Variants in KIAA1328 observed in about 807,000 individuals in gnomAD.
KIAA1328 encodes KIAA1328.
Under a neutral mutation model 68.1 loss-of-function variants are expected in KIAA1328, and 52 were observed. The observed-to-expected ratio is 0.76, with a 90% confidence interval of 0.61 to 0.96. The LOEUF is 0.96. Ranked by LOEUF, KIAA1328 falls within the 40% of genes least tolerant of loss-of-function variation. The pLI, the probability that KIAA1328 is intolerant of heterozygous loss-of-function variation, is 0.00. For synonymous variants in KIAA1328, 232 were observed against 239.4 expected (o/e 0.97, Z 0.28); for missense variants, 641 against 677.6 (o/e 0.95, Z 0.60).
chr18:37,165,635 A>G (rs1047257831), intron 8 of KIAA1328, among the ~76,000 whole-genome samples: 7 of 138,374 alleles, frequency 5.1e-5, no homozygotes, highest in African/African-American at 1.9e-4. Flanking sequence ...CTTGTTTCCC[A>G]GGGTGGAGTG....
chr18:37,030,008 A>G (rs2054758176), intron 6 of KIAA1328, among the ~76,000 whole-genome samples: 1 of 152,138 alleles, frequency 6.6e-6, no homozygotes, highest in African/African-American at 2.4e-5. Flanking sequence ...AGCATGCATA[A>G]CATTCCTTTA....
chr18:37,075,656 G>A (rs1263793997), intron 7 of KIAA1328: 4 of 151,860 alleles, frequency 2.6e-5, no homozygotes, highest in South Asian at 2.1e-4. Flanking sequence ...AGCAAATGGA[G>A]AACAAAAAAA....
intron 7 of KIAA1328, among the ~76,000 whole-genome samples, chr18:37,114,318 C>T (rs1036671050): frequency 6.6e-5 from 10 of 152,134 alleles, no homozygotes; most frequent in Non-Finnish European, 1.0e-4. Flanking sequence ...TCTCTCAGAC[C>T]ACAGTGCAAT....
chr18:36,875,567 C>T (rs574708725), intron 4 of KIAA1328, among the ~76,000 whole-genome samples: 1 of 152,264 alleles, frequency 6.6e-6, no homozygotes, highest in South Asian at 2.1e-4. Flanking sequence ...AGTTTTTGGG[C>T]TGAGACAATG....
intron 7 of KIAA1328, among the ~76,000 whole-genome samples, chr18:37,072,226 A>G (rs938990280): frequency 2.0e-5 from 3 of 150,560 alleles, no homozygotes; most frequent in African/African-American, 4.9e-5. Context: ...TCATATGAAA[A>G]TGTTCTTATT....
chr18:37,171,243 G>A (rs1025932643), intron 8 of KIAA1328, among the ~76,000 whole-genome samples: 6 of 152,012 alleles, frequency 3.9e-5, no homozygotes, highest in Admixed American at 6.5e-5. Context: ...ACAGATTCTT[G>A]CTCTGTTGCC....
intron 6 of KIAA1328, among the ~76,000 whole-genome samples, chr18:36,971,775 A>G (rs1249755430): frequency 6.6e-6 from 1 of 152,212 alleles, no homozygotes; most frequent in Non-Finnish European, 1.5e-5. Flanking sequence ...ACAGAAAACC[A>G]AGTTCTCACT....
intron 6 of KIAA1328, among the ~76,000 whole-genome samples, chr18:37,012,215 G>A (rs1057316995): frequency 6.6e-6 from 1 of 152,194 alleles, no homozygotes; most frequent in African/African-American, 2.4e-5. Context: ...GTTGGAATCA[G>A]AAGCAATCTA....
intron 5 of KIAA1328, among the ~76,000 whole-genome samples, chr18:36,935,593 A>G (rs779153999): frequency 6.6e-6 from 1 of 151,896 alleles, no homozygotes; most frequent in Non-Finnish European, 1.5e-5. Flanking sequence ...TTTTGATGTT[A>G]TTGTTGTTTT....
chr18:36,937,394 A>G (rs1048839664), intron 5 of KIAA1328, among the ~76,000 whole-genome samples: 1 of 152,202 alleles, frequency 6.6e-6, no homozygotes, highest in Non-Finnish European at 1.5e-5. Flanking sequence ...TCTGCACAGC[A>G]AAGGAACTAC....
intron 6 of KIAA1328, among the ~76,000 whole-genome samples, chr18:37,051,763 G>T (rs1238582784): frequency 6.6e-6 from 1 of 151,636 alleles, no homozygotes; most frequent in African/African-American, 2.4e-5. Flanking sequence ...TACAGGCCAG[G>T]CTGGGTGCAG....
At chr18:36,991,638 A>C (rs2053181298) in intron 6 of KIAA1328, among the ~76,000 whole-genome samples, 1 of 152,172 alleles carries the variant, frequency 6.6e-6, no homozygotes, top group Non-Finnish European at 1.5e-5. Flanking sequence ...CCATTCTTGA[A>C]TTTGAGCTAG....
chr18:37,068,468 C>T (rs2056420305), intron 7 of KIAA1328, among the ~76,000 whole-genome samples: 1 of 152,212 alleles, frequency 6.6e-6, no homozygotes, highest in Non-Finnish European at 1.5e-5. Context: ...CTTTACTCCA[C>T]ATCCTTGTTG....
At chr18:37,008,398 C>T (rs1455232976) in intron 6 of KIAA1328, among the ~76,000 whole-genome samples, 1 of 152,182 alleles carries the variant, frequency 6.6e-6, no homozygotes, top group East Asian at 1.9e-4. Flanking sequence ...ACTTGATTTT[C>T]TGCTAAAACA....
intron 8 of KIAA1328, among the ~76,000 whole-genome samples, chr18:37,169,326 C>G (rs1029021657): frequency 6.6e-6 from 1 of 151,886 alleles, no homozygotes; most frequent in Admixed American, 6.6e-5. Flanking sequence ...CCACCAGGCC[C>G]AGCTAATTTT....
At chr18:37,116,756 T>G (rs2151919897) in intron 7 of KIAA1328, among the ~76,000 whole-genome samples, 1 of 152,296 alleles carries the variant, frequency 6.6e-6, no homozygotes, top group South Asian at 2.1e-4. Flanking sequence ...TTTTGCAATC[T>G]AACCATCTGA....
chr18:37,060,773 A>G (rs975491733), intron 6 of KIAA1328, among the ~76,000 whole-genome samples: 1 of 152,218 alleles, frequency 6.6e-6, no homozygotes, highest in Admixed American at 6.5e-5. Context: ...ATACAATTTT[A>G]TATCCATCAA....
At chr18:37,088,183 A>G (rs942090412) in intron 7 of KIAA1328, among the ~76,000 whole-genome samples, 2 of 152,152 alleles carry the variant, frequency 1.3e-5, no homozygotes, top group African/African-American at 2.4e-5. Flanking sequence ...GTTTCAACTG[A>G]GACACCTGCT....
chr18:36,999,602 A>C (rs2053515313), intron 6 of KIAA1328, among the ~76,000 whole-genome samples: 1 of 152,208 alleles, frequency 6.6e-6, no homozygotes, highest in African/African-American at 2.4e-5. Context: ...GCTCAAAGAG[A>C]ATGGGATGAT....
Sources: allele counts gnomAD v4.1 joint callset (sites outside exome capture counted in the v4.1 genomes callset), GRCh38; gene constraint gnomAD v4.1.1; transcripts MANE v1.5; gene names NCBI Gene and HGNC (gene_info 2026-07-23, HGNC 2026-07-21).